WDR76: variants seen among roughly 807,000 people sequenced by gnomAD.
WDR76 encodes WD repeat domain 76, also known as WD repeat-containing protein 76.
In WDR76, 52 loss-of-function variants were observed where a neutral mutation model predicts 70.2. The observed-to-expected ratio is 0.74, with a 90% confidence interval of 0.59 to 0.93. The LOEUF (loss-of-function observed/expected upper bound fraction) is 0.93, where lower values mean the gene tolerates loss of function less well. WDR76 is among the 40% of genes least tolerant of loss of function. The pLI, the probability that WDR76 is intolerant of heterozygous loss-of-function variation, is 0.00. For missense variants in WDR76, 756 were observed against 760.2 expected, an observed-to-expected ratio of 0.99 and a Z score of 0.07; for synonymous variants, 292 against 271.1, an observed-to-expected ratio of 1.08 and a Z score of -0.76.
At chr15:43,854,132 A>C (rs773311384) in intron 9 of WDR76, among the ~76,000 whole-genome samples, 20 of 152,142 alleles carry the variant, frequency 1.3e-4, no homozygotes, top group Non-Finnish European at 2.6e-4. Context: ...TTGGTTGGGG[A>C]AAGTTTGACA....
chr15:43,861,353 T>C lies in WDR76; in HGVS notation c.1583T>C (p.Ile528Thr). ...TGCAGAATTTTTGACAGCAGCTGTATATCTTCTAAGATTCCGCTCCTCACC... is the reference window on the plus strand; with the variant it reads ...TGCAGAATTTTTGACAGCAGCTGTACATCTTCTAAGATTCCGCTCCTCACC... ...CNLRIFDSSC[I>T]SSKIPLLTTI... is the part of the protein sequence containing the mutation. Residue 528 changes from isoleucine (I) to threonine (T), a missense_variant, in exon 12 of 13, where the codon ATA becomes ACA. Coordinates refer to ENST00000263795, the MANE Select transcript of WDR76 (RefSeq NM_024908.4). The C allele has an allele frequency of 6.2e-7, 1 of 1,614,030 alleles. No homozygotes were observed. The highest frequency in any genetic ancestry group is 8.5e-7 in the Non-Finnish European group (1 of 1,179,958).
chr15:43,853,220 TCA>T (rs1391018932), intron 9 of WDR76, among the ~76,000 whole-genome samples: 1 of 151,264 alleles, frequency 6.6e-6, no homozygotes, highest in Non-Finnish European at 1.5e-5. Flanking sequence ...GATGGGGGTC[TCA>T]CTCTGTCACT....
At chr15:43,863,480 T>G (rs545581630) in intron 12 of WDR76, among the ~76,000 whole-genome samples, 75 of 151,856 alleles carry the variant, frequency 4.9e-4, no homozygotes, top group African/African-American at 1.6e-3. Flanking sequence ...TCCTATTAAC[T>G]GAAATTTAAT....
intron 9 of WDR76, among the ~76,000 whole-genome samples, chr15:43,855,936 C>T (rs957454846): frequency 1.3e-5 from 2 of 151,996 alleles, no homozygotes; most frequent in African/African-American, 4.8e-5. Flanking sequence ...CCCATTATCA[C>T]AAGTAACCGT....
intron 4 of WDR76, among the ~76,000 whole-genome samples, chr15:43,837,020 A>G (rs2087664621): frequency 6.6e-6 from 1 of 151,258 alleles, no homozygotes; most frequent in Non-Finnish European, 1.5e-5. Flanking sequence ...AGCCTGGGCA[A>G]TAAGAGTGAG....
At chr15:43,852,533 A>T (rs1328655750) in intron 9 of WDR76, among the ~76,000 whole-genome samples, 1 of 151,750 alleles carries the variant, frequency 6.6e-6, no homozygotes, top group Admixed American at 6.6e-5. Context: ...CACCATGCCA[A>T]GCTAATTTTT....
intron 10 of WDR76, chr15:43,857,525 C>T: frequency 1.0e-6 from 1 of 985,350 alleles, no homozygotes; most frequent in Non-Finnish European, 1.2e-6. Flanking sequence ...GAAAAACCAA[C>T]TAGAAACTTG....
rs1328684360 is a variant in WDR76, at chr15:43,828,320, A to G, written c.416A>G (p.Glu139Gly). Residue 139 changes from glutamate to glycine, a missense_variant, in exon 2 of 13, where the codon GAA (glutamate) becomes GGA (glycine). Transcript: ENST00000263795. ...ADAMNLSVDVESSQDGDSDED... is the reference protein window; with the variant it reads ...ADAMNLSVDVGSSQDGDSDED... ...GCGATGAATCTCAGTGTTGATGTGG[A>G]AAGTAGTCAGGATGGAGACAGTGAT... The G allele has an allele frequency of 1.7e-5, 28 of 1,613,896 alleles. No homozygotes were observed. The highest frequency in any genetic ancestry group is 2.3e-5 in the Non-Finnish European group (27 of 1,180,034).
At position 43,842,688 on chromosome 15, in the gene WDR76, T is replaced by C; in HGVS notation, c.878+17T>C. 1 of 1,602,364 alleles carries C rather than the reference T, an allele frequency of 6.2e-7. No individual in the cohort carries two copies. The highest frequency in any genetic ancestry group is 1.1e-5 in the South Asian group (1 of 89,172). Reference sequence around the variant, plus strand: ...CATTAAAAGGTAAGTTGAAATTCCTTGTGTTTCTTTTATATTTTTTGAGAT... The same window carrying C: ...CATTAAAAGGTAAGTTGAAATTCCTCGTGTTTCTTTTATATTTTTTGAGAT... On this transcript the variant is annotated intron_variant, in intron 7 of 12. Coordinates refer to ENST00000263795, the MANE Select transcript of WDR76 (RefSeq NM_024908.4).
At chr15:43,855,972 A>G (rs531182583) in intron 9 of WDR76, among the ~76,000 whole-genome samples, 1 of 152,334 alleles carries the variant, frequency 6.6e-6, no homozygotes, top group African/African-American at 2.4e-5. Context: ...GTATGCTTCC[A>G]CAAAGTACAC....
At chr15:43,827,635 C>T (rs553352601) in intron 1 of WDR76, among the ~76,000 whole-genome samples, 1 of 151,610 alleles carries the variant, frequency 6.6e-6, no homozygotes, top group South Asian at 2.1e-4. Context: ...ACCTCCGTCT[C>T]CCGGGTTCAA....
intron 7 of WDR76, 51 bp from the exon 8 acceptor site, chr15:43,843,850 G>T: frequency 7.0e-7 from 1 of 1,434,672 alleles, no homozygotes. Context: ...TACTTATTTT[G>T]ACTATTGAGA....
chr15:43,834,087 C>A (rs12441984), intron 2 of WDR76, among the ~76,000 whole-genome samples: 16 of 151,922 alleles, frequency 1.1e-4, no homozygotes, highest in African/African-American at 3.9e-4. Flanking sequence ...TAAATTTAAG[C>A]CTTTTCATGG....
At chr15:43,857,812 CTT>C (rs1474985164) in intron 10 of WDR76, among the ~76,000 whole-genome samples, 2 of 105,926 alleles carry the variant, frequency 1.9e-5, no homozygotes, top group East Asian at 5.9e-4. Context: ...GAGCGAGACT[CTT>C]GTCTCCAAAA....
At chr15:43,844,121 C>G (rs962268122) in intron 8 of WDR76, 67 bp downstream of exon 8, 1 of 1,433,916 alleles carries the variant, frequency 7.0e-7, no homozygotes, top group Non-Finnish European at 9.4e-7. Flanking sequence ...AGAGAATAGG[C>G]TAGAGCCATG....
chr15:43,828,513 AT>A, intron 2 of WDR76, 147 bp downstream of exon 2: 2 of 758,776 alleles, frequency 2.6e-6, no homozygotes, highest in Non-Finnish European at 3.9e-6. Flanking sequence ...CATTTTTATT[AT>A]TTTTAAGGTT....
chr15:43,837,762 G>A (rs1374123662), intron 4 of WDR76, among the ~76,000 whole-genome samples: 2 of 151,924 alleles, frequency 1.3e-5, no homozygotes, highest in Admixed American at 1.3e-4. Flanking sequence ...CCATGTACCT[G>A]CCATCCAGGT....
intron 3 of WDR76, 67 bp from the exon 4 acceptor site, chr15:43,836,094 A>T (rs2087652273): frequency 7.0e-7 from 1 of 1,437,980 alleles, no homozygotes; most frequent in Non-Finnish European, 9.5e-7. Flanking sequence ...ATAGTAGCAG[A>T]TGCTTAATAT....
intron 8 of WDR76, among the ~76,000 whole-genome samples, chr15:43,845,619 G>T (rs140100888): frequency 2.5e-4 from 37 of 150,454 alleles, no homozygotes; most frequent in African/African-American, 8.4e-4. Flanking sequence ...ATCCCAAATG[G>T]ACTAAGAAAC....
Sources: gnomAD v4.1 joint callset for allele counts (sites outside exome capture counted in the v4.1 genomes callset) on GRCh38, gnomAD v4.1.1 for gene constraint, MANE v1.5 for transcripts, NCBI Gene and HGNC (gene_info 2026-07-23, HGNC 2026-07-21) for gene names.